The following KLF13 variants were observed in gnomAD, a reference collection of about 807,000 sequenced individuals.
KLF13 encodes Krueppel-like factor 13.
A neutral mutation model predicts 16.7 loss-of-function variants in KLF13; 8 were observed. The ratio of observed to expected loss-of-function variants is 0.48; its 90% confidence interval spans 0.28 to 0.87. KLF13 has a LOEUF of 0.87. KLF13 is among the 40% of genes least tolerant of loss of function. The pLI is 0.10. For missense variants in KLF13, 447 were observed against 452.2 expected (o/e 0.99, Z 0.10); for synonymous variants, 245 against 208.4 (o/e 1.18, Z -1.51).
At chr15:31,344,412 G>A (rs2039079529) in intron 1 of KLF13, among the ~76,000 whole-genome samples, 1 of 152,282 alleles carries the variant, frequency 6.6e-6, no homozygotes, top group South Asian at 2.1e-4. Context: ...GGGCTCCAGG[G>A]GAGGTGGCAG....
At chr15:31,352,146 T>A (rs2039226668) in intron 1 of KLF13, among the ~76,000 whole-genome samples, 1 of 151,550 alleles carries the variant, frequency 6.6e-6, no homozygotes, top group Non-Finnish European at 1.5e-5. Context: ...AACAGAGGGG[T>A]CGCCACGCTG....
chr15:31,397,105 C>T (rs112732712), intron 2 of KLF13, among the ~76,000 whole-genome samples: 70 of 151,990 alleles, frequency 4.6e-4, no homozygotes, highest in African/African-American at 1.6e-3. Flanking sequence ...CCAGGTTTTT[C>T]GTTTGACTTT....
rs146063950 is a variant in KLF13, at chr15:31,433,213, T to G, written n.118-2157T>G. ...TGAGTTTAGGCTACCCACTGAGTAC[T>G]GTGCCCAATGGCCAGTGAATCAGGA... On this transcript the variant is annotated intron_variant and non_coding_transcript_variant, in intron 1 of 1. Coordinates refer to the KLF13 transcript ENST00000558225. Among the ~76,000 whole-genome samples, 173 of 152,304 alleles carry G rather than the reference T, an allele frequency of 1.1e-3. 1 individual carries two copies. The highest frequency in any genetic ancestry group is 2.2e-3 in the Non-Finnish European group (150 of 68,030).
intron 1 of KLF13, among the ~76,000 whole-genome samples, chr15:31,342,625 G>A (rs376914316): frequency 5.9e-5 from 9 of 152,310 alleles, no homozygotes; most frequent in African/African-American, 9.6e-5. Context: ...GGCTTCGCTC[G>A]TTTCCACAGG....
chr15:31,418,648 A>G (rs1262982921), intron 1 of KLF13, among the ~76,000 whole-genome samples: 2 of 152,160 alleles, frequency 1.3e-5, no homozygotes, highest in African/African-American at 4.8e-5. Context: ...AATGCTAATT[A>G]CAGAAACAAA....
intron 2 of KLF13, among the ~76,000 whole-genome samples, chr15:31,402,279 G>C (rs916163061): frequency 6.6e-6 from 1 of 152,210 alleles, no homozygotes; most frequent in African/African-American, 2.4e-5. Context: ...CCTCTGAAAG[G>C]AAGATGAGGT....
At chr15:31,364,995 C>T (rs1038555251) in intron 1 of KLF13, among the ~76,000 whole-genome samples, 5 of 152,240 alleles carry the variant, frequency 3.3e-5, no homozygotes, top group Non-Finnish European at 1.5e-5. Flanking sequence ...TGATCAGCCC[C>T]TGTGTTTGGC....
rs867856816 is a variant in KLF13, at chr15:31,354,902, C to T, written c.578-17108C>T. Among the ~76,000 whole-genome samples the T allele has an allele frequency of 5.9e-5, 9 of 152,050 alleles. No homozygotes were observed. In the South Asian group the frequency reaches 6.2e-4, roughly 10 times the overall value. On this transcript the variant is annotated intron_variant, in intron 1 of 1. Transcript: ENST00000307145. ...TACATCTTCAAATGAAAGCCTGATACGTCTAATTTTCATACTGGGCTAACA... is the reference window on the plus strand; with the variant it reads ...TACATCTTCAAATGAAAGCCTGATATGTCTAATTTTCATACTGGGCTAACA...
Position 31,327,249 on chromosome 15 carries a change from G to C in KLF13, c.37G>C (p.Glu13Gln), listed in dbSNP as rs1303511002. 5 of 1,379,498 alleles carry C rather than the reference G, an allele frequency of 3.6e-6. No homozygotes were observed. The highest frequency in any genetic ancestry group is 2.7e-4 in the Middle Eastern group (1 of 3,752). The allele number at this position is 1,379,498 out of a possible 1,614,324, so 85.5% of individuals were successfully genotyped here. A position where few individuals can be genotyped will look rare whatever the true frequency, so the allele number is the denominator to read the frequency against. ...AAAYVDHFAA[E>Q]CLVSMSSRAV... is the part of the protein sequence containing the mutation. ...CGCCTATGTGGACCACTTCGCCGCCGAGTGCCTCGTGTCCATGTCGAGCCG... is the reference window on the plus strand; with the variant it reads ...CGCCTATGTGGACCACTTCGCCGCCCAGTGCCTCGTGTCCATGTCGAGCCG... The change falls in exon 1 of 2, where the codon GAG (glutamate) becomes CAG (glutamine). Residue 13 changes from glutamate to glutamine, a missense_variant. Around this residue, in one of 2 missense-constraint regions of KLF13, gnomAD observed 359 missense variants for 282.8 expected, o/e 1.27. Transcript: ENST00000307145.
intron 1 of KLF13, among the ~76,000 whole-genome samples, chr15:31,432,437 TTCTC>T (rs1434503773): frequency 3.5e-4 from 51 of 146,052 alleles, no homozygotes; most frequent in African/African-American, 1.3e-3. Flanking sequence ...TTCTTTCTTG[TTCTC>T]TCTTTCTTTC....
Position 31,374,430 on chromosome 15 carries a change from T to A in KLF13, c.*2131T>A, listed in dbSNP as rs1034507237. 6 of 151,590 alleles carry A rather than the reference T, an allele frequency of 4.0e-5. No individual in the cohort carries two copies. The highest frequency in any genetic ancestry group is 1.5e-4 in the African/African-American group (6 of 41,042). 9.4% of individuals were successfully genotyped at this position (151,590 alleles called of 1,614,324 possible). A position where few individuals can be genotyped will look rare whatever the true frequency, so the allele number is the denominator to read the frequency against. ...CTTGCATTGGGTCTGGGAGAGAGAG[T>A]GGAATATTTGGTAGGGACCTTGACA... On this transcript the variant is annotated 3_prime_UTR_variant, in exon 2 of 2. Coordinates refer to ENST00000307145, the MANE Select transcript of KLF13 (RefSeq NM_015995.4).
At chr15:31,397,428 A>T (rs1040066948) in intron 2 of KLF13, among the ~76,000 whole-genome samples, 3 of 152,196 alleles carry the variant, frequency 2.0e-5, no homozygotes, top group Non-Finnish European at 4.4e-5. Context: ...TCTCCTCCTC[A>T]GTGACGCGCA....
intron 1 of KLF13, among the ~76,000 whole-genome samples, chr15:31,360,058 A>C (rs2039358537): frequency 6.6e-6 from 1 of 152,208 alleles, no homozygotes; most frequent in African/African-American, 2.4e-5. Context: ...GGAGTCCCGT[A>C]CAGAGCTGTT....
chr15:31,342,068 T>G (rs2039033358), intron 1 of KLF13, among the ~76,000 whole-genome samples: 1 of 152,092 alleles, frequency 6.6e-6, no homozygotes, highest in Non-Finnish European at 1.5e-5. Context: ...GCTAGACTCT[T>G]TAATTAGCAG....
intron 1 of KLF13, among the ~76,000 whole-genome samples, chr15:31,417,887 A>G (rs1043771405): frequency 6.6e-6 from 1 of 152,222 alleles, no homozygotes; most frequent in Non-Finnish European, 1.5e-5. Flanking sequence ...GACTAAGACA[A>G]TATTAAATGA....
At chr15:31,360,533 G>A (rs954593964) in intron 1 of KLF13, among the ~76,000 whole-genome samples, 10 of 152,206 alleles carry the variant, frequency 6.6e-5, no homozygotes, top group Non-Finnish European at 1.2e-4. Context: ...AAGGGTAGGG[G>A]TAACTTGCTC....
At chr15:31,401,518 C>T (rs2040036592) in intron 2 of KLF13, among the ~76,000 whole-genome samples, 1 of 152,210 alleles carries the variant, frequency 6.6e-6, no homozygotes, top group Non-Finnish European at 1.5e-5. Context: ...GCATCCCGCC[C>T]TCTGGGCACA....
At chr15:31,418,871 A>G (rs558014066) in intron 1 of KLF13, among the ~76,000 whole-genome samples, 2 of 152,328 alleles carry the variant, frequency 1.3e-5, no homozygotes, top group East Asian at 1.9e-4. Flanking sequence ...GCACTTTGGG[A>G]GACCAAGGCT....
At chr15:31,359,740 T>C (rs1158561141) in intron 1 of KLF13, among the ~76,000 whole-genome samples, 2 of 152,238 alleles carry the variant, frequency 1.3e-5, no homozygotes, top group Non-Finnish European at 2.9e-5. Flanking sequence ...TTTTCTTCCC[T>C]GTCCACGTTC....
Sources: gnomAD v4.1 joint callset for allele counts (sites outside exome capture counted in the v4.1 genomes callset) on GRCh38, gnomAD v4.1.1 for gene constraint, gnomAD v4.1.1 regional missense constraint, MANE v1.5 for transcripts, NCBI Gene and HGNC (gene_info 2026-07-23, HGNC 2026-07-21) for gene names.